The following SORCS3 variants were observed in gnomAD, a reference collection of about 807,000 sequenced individuals.
SORCS3 encodes sortilin related VPS10 domain containing receptor 3.
A neutral mutation model predicts 146.3 loss-of-function variants in SORCS3; 57 were observed. The ratio of observed to expected loss-of-function variants is 0.39; its 90% CI spans 0.31 to 0.49. The LOEUF (loss-of-function observed/expected upper bound fraction) is 0.49. SORCS3 is among the 20% of genes least tolerant of loss of function. The probability of loss-of-function intolerance (pLI) is 0.92; values close to 1 mark genes in which losing one functional copy is unlikely to be tolerated. For missense variants in SORCS3, 1,341 were observed against 1,575.5 expected, an observed-to-expected ratio of 0.85 and a Z score of 2.52; for synonymous variants, 653 against 618.5, an observed-to-expected ratio of 1.06 and a Z score of -0.83.
At chr10:104,888,662 C>T (rs964259732) in intron 2 of SORCS3, among the ~76,000 whole-genome samples, 7 of 152,110 alleles carry the variant, frequency 4.6e-5, no homozygotes, top group African/African-American at 1.7e-4. Context: ...AAATACTTAA[C>T]AATTGGTATG....
chr10:105,090,947 C>T (rs1440614549), intron 6 of SORCS3, among the ~76,000 whole-genome samples: 3 of 152,234 alleles, frequency 2.0e-5, no homozygotes, highest in East Asian at 1.9e-4. Context: ...TGGAGGCCAA[C>T]CGTAGATGCA....
At chr10:105,088,500 A>T (rs1176137352) in intron 5 of SORCS3, among the ~76,000 whole-genome samples, 1 of 151,836 alleles carries the variant, frequency 6.6e-6, no homozygotes, top group African/African-American at 2.4e-5. Flanking sequence ...TTTTTCTAAA[A>T]CATACCACTT....
chr10:105,063,103 G>A (rs948885350), intron 5 of SORCS3, among the ~76,000 whole-genome samples: 1 of 152,176 alleles, frequency 6.6e-6, no homozygotes, highest in Admixed American at 6.5e-5. Context: ...TTTACAGCCT[G>A]TGCTAGCTTT....
intron 13 of SORCS3, among the ~76,000 whole-genome samples, chr10:105,176,699 C>CA (rs2056406781): frequency 2.0e-5 from 3 of 151,442 alleles, no homozygotes; most frequent in Non-Finnish European, 2.9e-5. Context: ...ACAAAGAATA[C>CA]AAAAAAATAG....
chr10:105,157,316 G>T (rs778663953), intron 10 of SORCS3, 32 bp downstream of exon 10: 14 of 1,608,970 alleles, frequency 8.7e-6, no homozygotes, highest in Non-Finnish European at 1.1e-5. Flanking sequence ...GAAGTTCACA[G>T]GGCAGGCTGG....
intron 4 of SORCS3, among the ~76,000 whole-genome samples, chr10:105,000,206 A>C (rs2055052803): frequency 6.6e-6 from 1 of 152,164 alleles, no homozygotes; most frequent in Non-Finnish European, 1.5e-5. Flanking sequence ...GAAACTATTA[A>C]GTACCTAATC....
intron 1 of SORCS3, among the ~76,000 whole-genome samples, chr10:104,823,397 CT>C (rs920621764): frequency 2.0e-5 from 3 of 152,100 alleles, no homozygotes; most frequent in South Asian, 2.1e-4. Flanking sequence ...TCTGAGACAC[CT>C]TTTTTTTCCT....
At chr10:105,230,784 G>C (rs1231009916) in intron 20 of SORCS3, among the ~76,000 whole-genome samples, 1 of 152,196 alleles carries the variant, frequency 6.6e-6, no homozygotes, top group Admixed American at 6.5e-5. Flanking sequence ...TGTAGTCGCT[G>C]TTGGGCCCCA....
intron 4 of SORCS3, among the ~76,000 whole-genome samples, chr10:105,037,897 A>G (rs1455544460): frequency 6.6e-6 from 1 of 152,150 alleles, no homozygotes; most frequent in Admixed American, 6.5e-5. Context: ...GGAATATTCT[A>G]TTGATTAAAT....
At chr10:104,785,868 T>G (rs1203798296) in intron 1 of SORCS3, among the ~76,000 whole-genome samples, 28 of 152,200 alleles carry the variant, frequency 1.8e-4, no homozygotes, top group Admixed American at 1.8e-3. Context: ...TGGTCAATCT[T>G]CTTACAGAAA....
intron 4 of SORCS3, among the ~76,000 whole-genome samples, chr10:104,979,845 G>C (rs991525238): frequency 6.6e-6 from 1 of 152,068 alleles, no homozygotes. Flanking sequence ...AAACAGTATT[G>C]AAAAAAGTAA....
intron 14 of SORCS3, among the ~76,000 whole-genome samples, chr10:105,199,228 C>CTT (rs796118136): frequency 4.8e-5 from 7 of 144,362 alleles, no homozygotes; most frequent in African/African-American, 7.6e-5. Flanking sequence ...GATGATCAGT[C>CTT]TTTTTTTTTT....
intron 3 of SORCS3, among the ~76,000 whole-genome samples, chr10:104,947,992 T>C (rs1439123607): frequency 6.6e-6 from 1 of 152,236 alleles, no homozygotes; most frequent in African/African-American, 2.4e-5. Context: ...GCCAGCACTA[T>C]TTTTGTCATT....
chr10:105,153,802 G>T (rs1029707576), intron 9 of SORCS3, among the ~76,000 whole-genome samples: 2 of 151,990 alleles, frequency 1.3e-5, no homozygotes, highest in Non-Finnish European at 2.9e-5. Flanking sequence ...TGGGCGCGGT[G>T]GCTCACACCT....
intron 4 of SORCS3, among the ~76,000 whole-genome samples, chr10:105,027,090 C>A (rs1253408269): frequency 6.6e-6 from 1 of 152,188 alleles, no homozygotes; most frequent in Non-Finnish European, 1.5e-5. Flanking sequence ...TACTTCCCTC[C>A]TGCTCGCTGT....
At chr10:105,055,326 G>C (rs779120027) in intron 5 of SORCS3, among the ~76,000 whole-genome samples, 1 of 152,186 alleles carries the variant, frequency 6.6e-6, no homozygotes, top group Non-Finnish European at 1.5e-5. Flanking sequence ...AGACTACAGA[G>C]AGAATATGCT....
intron 17 of SORCS3, 25 bp from the exon 18 acceptor site, chr10:105,214,417 A>G (rs747547099): frequency 1.2e-6 from 2 of 1,612,872 alleles, no homozygotes; most frequent in South Asian, 2.2e-5. Flanking sequence ...AACACAAACC[A>G]CTATCAATTG....
At chr10:104,894,341 G>A (rs1181090889) in intron 2 of SORCS3, among the ~76,000 whole-genome samples, 2 of 152,212 alleles carry the variant, frequency 1.3e-5, no homozygotes, top group African/African-American at 4.8e-5. Context: ...GCAACACCCT[G>A]GATTGGAATG....
chr10:104,702,660 A>C (rs571340323), intron 1 of SORCS3, among the ~76,000 whole-genome samples: 1 of 152,316 alleles, frequency 6.6e-6, no homozygotes, highest in African/African-American at 2.4e-5. Context: ...AGAGCTATGA[A>C]CCTTGGACTG....
Sources: gnomAD v4.1 joint callset for allele counts (sites outside exome capture counted in the v4.1 genomes callset) on GRCh38, gnomAD v4.1.1 for gene constraint, MANE v1.5 for transcripts, NCBI Gene and HGNC (gene_info 2026-07-23, HGNC 2026-07-21) for gene names.